The following SLX4IP variants were observed in gnomAD, a reference collection of about 807,000 sequenced individuals.
SLX4IP encodes the protein SLX4 interacting protein, also known as protein SLX4IP.
In SLX4IP, 34 loss-of-function variants were observed where a neutral mutation model predicts 32.9. The ratio of observed to expected loss-of-function variants is 1.03; its 90% confidence interval spans 0.79 to 1.38. The LOEUF (loss-of-function observed/expected upper bound fraction) is 1.38. SLX4IP is among the 40% of genes most tolerant of loss of function. The pLI is 0.00. For missense variants in SLX4IP, 444 were observed against 479.0 expected (o/e 0.93, Z 0.68); for synonymous variants, 172 against 171.7 (o/e 1.00, Z -0.01).
At chr20:10,569,519 C>T (rs1001663881) in intron 4 of SLX4IP, among the ~76,000 whole-genome samples, 3 of 152,110 alleles carry the variant, frequency 2.0e-5, no homozygotes, top group African/African-American at 7.2e-5. Context: ...CTAGGGCTGC[C>T]ATAACATACC....
At chr20:10,484,472 G>A (rs13044584) in intron 2 of SLX4IP, among the ~76,000 whole-genome samples, 34,510 of 151,966 alleles carry the variant, frequency 0.23, 4,139 homozygotes, top group South Asian at 0.4. Flanking sequence ...AAAGAAATAT[G>A]GCCAGCTTCT....
At chr20:10,458,147 C>A (rs1470192724) in intron 1 of SLX4IP, 29 bp from the exon 2 acceptor site, 2 of 1,443,788 alleles carry the variant, frequency 1.4e-6, no homozygotes, top group African/African-American at 1.5e-5. Context: ...TTTTAATATA[C>A]CTAATTGTAA....
At chr20:10,493,246 C>G (rs1353773502) in intron 2 of SLX4IP, among the ~76,000 whole-genome samples, 1 of 152,148 alleles carries the variant, frequency 6.6e-6, no homozygotes, top group Non-Finnish European at 1.5e-5. Flanking sequence ...AATTGGGGAG[C>G]ATTGCAGTCT....
intron 6 of SLX4IP, among the ~76,000 whole-genome samples, chr20:10,603,850 TC>T (rs1347459139): frequency 6.6e-6 from 1 of 152,136 alleles, no homozygotes; most frequent in East Asian, 1.9e-4. Flanking sequence ...AAGGTCCCTC[TC>T]CCACAAATGA....
intron 6 of SLX4IP, among the ~76,000 whole-genome samples, chr20:10,612,359 G>A (rs569783326): frequency 2.0e-5 from 3 of 152,234 alleles, no homozygotes; most frequent in Admixed American, 6.5e-5. Flanking sequence ...ACTCCACTCC[G>A]TTTCACCTCT....
chr20:10,538,139 A>G (rs1177048748), intron 2 of SLX4IP, among the ~76,000 whole-genome samples: 1 of 152,162 alleles, frequency 6.6e-6, no homozygotes, highest in African/African-American at 2.4e-5. Flanking sequence ...GGCAGCTGGG[A>G]GGATGAGCAG....
intron 2 of SLX4IP, among the ~76,000 whole-genome samples, chr20:10,483,800 C>T (rs1260398207): frequency 8.5e-6 from 1 of 117,586 alleles, no homozygotes; most frequent in Non-Finnish European, 1.7e-5. Flanking sequence ...CCACCCTTCT[C>T]TTCTAAAGGA....
chr20:10,624,935 T>C lies in SLX4IP; in HGVS notation c.*1556T>C, dbSNP rs988367938. ...GTTCCAAACCCTGCCTAGAAACCTG[T>C]TCCTGTCCCATGATCCCAGCCTCAC... On this transcript the variant is annotated 3_prime_UTR_variant, in exon 8 of 8. Coordinates refer to ENST00000334534, the MANE Select transcript of SLX4IP (RefSeq NM_001009608.3). 6.6e-6 allele frequency: 1 copy of C among 152,326 alleles called. No homozygotes were observed. The highest frequency in any genetic ancestry group is 1.5e-5 in the Non-Finnish European group (1 of 68,138). The allele number at this position is 152,326 out of a possible 1,614,324, so 9.4% of individuals were successfully genotyped here. A position where few individuals can be genotyped will look rare whatever the true frequency, so the allele number is the denominator to read the frequency against.
At chr20:10,482,914 G>A (rs1278843883) in intron 2 of SLX4IP, among the ~76,000 whole-genome samples, 1 of 152,062 alleles carries the variant, frequency 6.6e-6, no homozygotes, top group Non-Finnish European at 1.5e-5. Flanking sequence ...TGTTTAGTGT[G>A]CATTTTTCCC....
intron 4 of SLX4IP, among the ~76,000 whole-genome samples, chr20:10,596,037 T>G (rs2066767445): frequency 6.6e-6 from 1 of 152,170 alleles, no homozygotes; most frequent in Non-Finnish European, 1.5e-5. Flanking sequence ...CTAATTTCAG[T>G]AACAAATCAC....
At chr20:10,491,812 T>C (rs6077816) in intron 2 of SLX4IP, among the ~76,000 whole-genome samples, 5,122 of 152,310 alleles carry the variant, frequency 0.034, 119 homozygotes, top group Middle Eastern at 0.065. Context: ...TATATTTTAA[T>C]ACCCGTGTAT....
intron 2 of SLX4IP, among the ~76,000 whole-genome samples, chr20:10,524,022 G>A (rs543655535): frequency 9.2e-5 from 14 of 152,338 alleles, no homozygotes; most frequent in East Asian, 1.9e-4. Context: ...CTGGTCGAAC[G>A]TAAGAGCCTT....
intron 2 of SLX4IP, among the ~76,000 whole-genome samples, chr20:10,539,440 A>G (rs2066079934): frequency 6.6e-6 from 1 of 152,066 alleles, no homozygotes; most frequent in African/African-American, 2.4e-5. Flanking sequence ...TAAATAGCAG[A>G]ATTGGAGTGG....
intron 2 of SLX4IP, among the ~76,000 whole-genome samples, chr20:10,547,171 G>T (rs1568733993): frequency 6.6e-6 from 1 of 152,224 alleles, no homozygotes; most frequent in African/African-American, 2.4e-5. Context: ...TAGGATACCA[G>T]AGATGATTTA....
chr20:10,482,758 C>CT (rs2065535065), intron 2 of SLX4IP, among the ~76,000 whole-genome samples: 1 of 152,126 alleles, frequency 6.6e-6, no homozygotes, highest in African/African-American at 2.4e-5. Context: ...GCTAAGAGAC[C>CT]TTTTAGAAGT....
intron 2 of SLX4IP, among the ~76,000 whole-genome samples, chr20:10,540,415 A>G (rs931011658): frequency 1.3e-5 from 2 of 152,074 alleles, no homozygotes; most frequent in African/African-American, 4.8e-5. Context: ...TCTGAAGTCA[A>G]TGCTATGGTC....
chr20:10,493,859 C>CTTTTTTTTTTTTTTTTTTTT (rs58299545), intron 2 of SLX4IP, among the ~76,000 whole-genome samples: 2 of 70,544 alleles, frequency 2.8e-5, no homozygotes, highest in African/African-American at 5.8e-5. Flanking sequence ...TTATAGTTGC[C>CTTTTTTTTTTTTTTTTTTTT]TTTTTTTTTT....
At chr20:10,527,959 C>A (rs1193068260) in intron 2 of SLX4IP, among the ~76,000 whole-genome samples, 1 of 151,962 alleles carries the variant, frequency 6.6e-6, no homozygotes, top group African/African-American at 2.4e-5. Context: ...TACACATAAC[C>A]CCCAGCCTGT....
At chr20:10,586,694 TA>T (rs1425821855) in intron 4 of SLX4IP, among the ~76,000 whole-genome samples, 1 of 152,016 alleles carries the variant, frequency 6.6e-6, no homozygotes, top group Non-Finnish European at 1.5e-5. Context: ...AAGACGTAAT[TA>T]GATCAGGAAT....
Sources: allele counts gnomAD v4.1 joint callset (sites outside exome capture counted in the v4.1 genomes callset), GRCh38; gene constraint gnomAD v4.1.1; transcripts MANE v1.5; gene names NCBI Gene and HGNC (gene_info 2026-07-23, HGNC 2026-07-21).